RALGAPA2: variants seen among roughly 807,000 people sequenced by gnomAD.
The protein encoded by RALGAPA2 is ral GTPase-activating protein subunit alpha-2.
RALGAPA2 carries 139 observed loss-of-function variants against 230.4 expected under a neutral mutation model. That is an observed-to-expected ratio of 0.60 (90% CI 0.53 to 0.69). RALGAPA2 has a LOEUF of 0.69. Among genes scored for constraint, RALGAPA2 ranks in the 30% least tolerant of loss-of-function variants. RALGAPA2 has a pLI of 0.00. For missense variants in RALGAPA2, 2,163 were observed against 2,276.0 expected (o/e 0.95, Z 1.01); for synonymous variants, 847 against 837.8 (o/e 1.01, Z -0.19).
Position 20,639,825 on chromosome 20 carries a change from C to A in RALGAPA2, c.626G>T (p.Cys209Phe), listed in dbSNP as rs781612803. The A allele has an allele frequency of 1.9e-6, 3 of 1,613,320 alleles. No homozygotes were observed. The African/African-American group carries it at 4.0e-5, about 22-fold the overall frequency. Residue 209 changes from cysteine to phenylalanine, a missense_variant, in exon 7 of 40, where the codon TGC becomes TTC. Physicochemically the swap from Cys to Phe is radical, Grantham distance 205 (BLOSUM62 -2). Coordinates refer to ENST00000202677, the MANE Select transcript of RALGAPA2 (RefSeq NM_020343.4). ...SGEKIAEDQTCFFLQILLKYM... is the reference protein window; with the variant it reads ...SGEKIAEDQTFFFLQILLKYM... ...CTTCAACAGTATTTGAAGAAAAAAG[C>A]AGGTTTGGTCCTCAGCAATCTTCTC...
At chr20:20,439,161 A>G (rs1297471494) in intron 37 of RALGAPA2, among the ~76,000 whole-genome samples, 3 of 152,140 alleles carry the variant, frequency 2.0e-5, no homozygotes, top group Non-Finnish European at 4.4e-5. Context: ...GCCATCTGAT[A>G]ATACACAGAG....
intron 1 of RALGAPA2, 57 bp from the exon 2 acceptor site, chr20:20,680,858 A>G (rs1183665113): frequency 1.3e-6 from 2 of 1,508,988 alleles, no homozygotes; most frequent in Non-Finnish European, 1.8e-6. Flanking sequence ...ACAAGAATTT[A>G]GAAACAAACT....
chr20:20,685,949 C>A (rs143588665), intron 1 of RALGAPA2, among the ~76,000 whole-genome samples: 2 of 152,148 alleles, frequency 1.3e-5, no homozygotes, highest in Admixed American at 1.3e-4. Context: ...GAGAAGCAAA[C>A]GGCAGACAGC....
At chr20:20,600,222 G>A (rs1168467208) in intron 16 of RALGAPA2, among the ~76,000 whole-genome samples, 1 of 152,164 alleles carries the variant, frequency 6.6e-6, no homozygotes, top group Non-Finnish European at 1.5e-5. Context: ...CTTGAACCTG[G>A]GAGGCAGAGG....
At chr20:20,677,930 G>C (rs1224242348) in intron 2 of RALGAPA2, among the ~76,000 whole-genome samples, 1 of 152,014 alleles carries the variant, frequency 6.6e-6, no homozygotes, top group African/African-American at 2.4e-5. Context: ...ACAGGTGTGA[G>C]CCACCGCGCC....
At chr20:20,550,439 C>T (rs900525951) in intron 23 of RALGAPA2, among the ~76,000 whole-genome samples, 2 of 152,168 alleles carry the variant, frequency 1.3e-5, no homozygotes, top group Non-Finnish European at 2.9e-5. Context: ...TGAATATAAG[C>T]ACAGAATGCA....
intron 37 of RALGAPA2, among the ~76,000 whole-genome samples, chr20:20,465,687 C>G (rs905145570): frequency 6.6e-6 from 1 of 152,170 alleles, no homozygotes; most frequent in Non-Finnish European, 1.5e-5. Flanking sequence ...AGTGTACCAC[C>G]TTCTCTCGAG....
chr20:20,505,444 T>C lies in RALGAPA2; in HGVS notation c.5019A>G (p.Ala1673=), dbSNP rs181051450. The C allele has an allele frequency of 6.2e-7, 1 of 1,602,006 alleles. No homozygotes were observed. The highest frequency in any genetic ancestry group is 8.5e-7 in the Non-Finnish European group (1 of 1,173,504). ...CAAGTCCAGCAACAAAGTCTTCATA[T>C]GCTTGGCTTCCTCTTTCATTAGAGA... ...SILSNERGSQ[A]YEDFVAGLGW... is the part of the protein sequence containing the mutation. Residue 1673 remains alanine, a synonymous_variant, in exon 34 of 40, where the codon GCA becomes GCG. Coordinates refer to ENST00000202677, the MANE Select transcript of RALGAPA2 (RefSeq NM_020343.4).
At chr20:20,636,735 G>A (rs929780825) in intron 8 of RALGAPA2, among the ~76,000 whole-genome samples, 2 of 152,122 alleles carry the variant, frequency 1.3e-5, no homozygotes, top group East Asian at 3.8e-4. Flanking sequence ...ATAGGGAGAG[G>A]AAGATTTGAC....
chr20:20,428,872 G>C (rs1049184422), intron 37 of RALGAPA2, among the ~76,000 whole-genome samples: 2 of 150,984 alleles, frequency 1.3e-5, no homozygotes, highest in Admixed American at 6.6e-5. Context: ...GTACTTCCTT[G>C]CATCTCAGCC....
At chr20:20,698,240 A>C (rs1603253258) in intron 1 of RALGAPA2, among the ~76,000 whole-genome samples, 2 of 151,836 alleles carry the variant, frequency 1.3e-5, no homozygotes, top group South Asian at 2.1e-4. Flanking sequence ...CTGTTAATGT[A>C]TTAAGCACCA....
chr20:20,502,954 A>G (rs1251056613), intron 35 of RALGAPA2, among the ~76,000 whole-genome samples: 5 of 152,208 alleles, frequency 3.3e-5, no homozygotes, highest in African/African-American at 1.2e-4. Flanking sequence ...AACTGGCCAC[A>G]AGGCAAGTTG....
chr20:20,708,259 T>G (rs1320693804), intron 1 of RALGAPA2, among the ~76,000 whole-genome samples: 1 of 152,236 alleles, frequency 6.6e-6, no homozygotes, highest in Non-Finnish European at 1.5e-5. Context: ...AAATTGCACA[T>G]GTGGCTTACA....
At chr20:20,621,058 T>C (rs894161833) in intron 10 of RALGAPA2, among the ~76,000 whole-genome samples, 4 of 151,644 alleles carry the variant, frequency 2.6e-5, no homozygotes, top group East Asian at 3.9e-4. Flanking sequence ...AGAGAATCAC[T>C]TGAACCCAGG....
intron 33 of RALGAPA2, among the ~76,000 whole-genome samples, chr20:20,506,643 G>T (rs1419397323): frequency 2.0e-5 from 3 of 151,936 alleles, no homozygotes; most frequent in Non-Finnish European, 2.9e-5. Flanking sequence ...TAACTGTCAA[G>T]TTCTTAAATA....
At chr20:20,548,821 G>T (rs1055820710) in intron 23 of RALGAPA2, among the ~76,000 whole-genome samples, 1 of 152,204 alleles carries the variant, frequency 6.6e-6, no homozygotes, top group Admixed American at 6.5e-5. Flanking sequence ...TACTCACAGA[G>T]GTACTCATTG....
intron 38 of RALGAPA2, among the ~76,000 whole-genome samples, chr20:20,409,625 C>T (rs959333436): frequency 1.3e-5 from 2 of 152,178 alleles, no homozygotes; most frequent in Admixed American, 6.5e-5. Flanking sequence ...TGGGTTTGAT[C>T]GCCCTTGTCC....
In RALGAPA2 at chr20:20,601,929, C is replaced by T; in HGVS notation, c.2039-83G>A. 4.1e-6 allele frequency: 5 copies of T among 1,216,688 alleles called. No individual in the cohort carries two copies. The South Asian group carries it at 9.9e-5, about 24-fold the overall frequency. The allele number at this position is 1,216,688 out of a possible 1,614,324, so 75.4% of individuals were successfully genotyped here. A position where few individuals can be genotyped will look rare whatever the true frequency, so the allele number is the denominator to read the frequency against. Reference sequence around the variant, plus strand: ...CTTGTGTTGCTCAGCAAATGGTGTACCTACAACTATATATAATCAGCAGGT... The same window carrying T: ...CTTGTGTTGCTCAGCAAATGGTGTATCTACAACTATATATAATCAGCAGGT... On this transcript the variant is annotated intron_variant, in intron 15 of 39. Coordinates refer to ENST00000202677, the MANE Select transcript of RALGAPA2 (RefSeq NM_020343.4).
chr20:20,489,223 C>G (rs937927806), intron 36 of RALGAPA2, among the ~76,000 whole-genome samples: 1 of 152,144 alleles, frequency 6.6e-6, no homozygotes, highest in African/African-American at 2.4e-5. Context: ...TATGAGAATT[C>G]AAATGGGAGC....
Sources: allele counts gnomAD v4.1 joint callset (sites outside exome capture counted in the v4.1 genomes callset), GRCh38; gene constraint gnomAD v4.1.1; transcripts MANE v1.5; gene names NCBI Gene and HGNC (gene_info 2026-07-23, HGNC 2026-07-21).